RALY: variants seen among roughly 807,000 people sequenced by gnomAD.
RALY encodes the protein RNA-binding protein Raly.
Under a neutral mutation model 30.7 loss-of-function variants are expected in RALY, and 15 were observed. That is an observed-to-expected ratio of 0.49 (90% CI 0.33 to 0.75). The LOEUF is 0.75. RALY is among the 30% of genes least tolerant of loss of function. RALY has a pLI of 0.02. For synonymous variants in RALY, 177 were observed against 170.8 expected, an observed-to-expected ratio of 1.04 and a Z score of -0.28; for missense variants, 339 against 414.3, an observed-to-expected ratio of 0.82 and a Z score of 1.58.
intron 1 of RALY, among the ~76,000 whole-genome samples, chr20:33,998,470 A>G (rs903864683): frequency 6.6e-6 from 1 of 152,216 alleles, no homozygotes; most frequent in East Asian, 1.9e-4. Flanking sequence ...TACTGTTACT[A>G]TTCCCATTCT....
intron 5 of RALY, among the ~76,000 whole-genome samples, chr20:34,074,658 A>C (rs2033824903): frequency 6.6e-6 from 1 of 152,166 alleles, no homozygotes; most frequent in African/African-American, 2.4e-5. Context: ...CTGCCACTGA[A>C]TGGATTATGT....
chr20:34,076,064 A>G, intron 6 of RALY, 24 bp downstream of exon 6: 3 of 1,587,054 alleles, frequency 1.9e-6, no homozygotes, highest in Non-Finnish European at 2.6e-6. Flanking sequence ...TCATATTCCT[A>G]AGTAATTTGC....
chr20:34,018,696 A>G (rs1456146677), intron 1 of RALY, among the ~76,000 whole-genome samples: 2 of 151,992 alleles, frequency 1.3e-5, no homozygotes, highest in Non-Finnish European at 2.9e-5. Context: ...TGTTTTTTCC[A>G]TTAGCAATTT....
chr20:34,076,518 G>T (rs1435542628), intron 6 of RALY, among the ~76,000 whole-genome samples, 184 bp from the exon 7 acceptor site: 2 of 152,228 alleles, frequency 1.3e-5, no homozygotes, highest in Non-Finnish European at 2.9e-5. Flanking sequence ...TCAGAAGTGT[G>T]TGCTGTCACT....
intron 1 of RALY, among the ~76,000 whole-genome samples, chr20:34,029,493 G>GA (rs2032186447): frequency 8.5e-6 from 1 of 117,408 alleles, no homozygotes; most frequent in African/African-American, 3.7e-5. Context: ...AGGGAGGGAG[G>GA]GAGGGAGGGA....
At chr20:34,070,597 T>G (rs1568694190) in intron 2 of RALY, among the ~76,000 whole-genome samples, 1 of 152,202 alleles carries the variant, frequency 6.6e-6, no homozygotes, top group Non-Finnish European at 1.5e-5. Context: ...GGTATCTAAA[T>G]TGGCTTTAGC....
intron 1 of RALY, among the ~76,000 whole-genome samples, chr20:34,029,459 A>AGGAGGGAG (rs1225816860): frequency 1.1e-5 from 1 of 93,016 alleles, no homozygotes; most frequent in Non-Finnish European, 2.0e-5. Flanking sequence ...AAAGGAAGAA[A>AGGAGGGAG]GGAGGGAGGG....
intron 2 of RALY, among the ~76,000 whole-genome samples, chr20:34,070,143 C>T (rs1276264522): frequency 6.6e-6 from 1 of 152,050 alleles, no homozygotes; most frequent in Non-Finnish European, 1.5e-5. Context: ...AAAAGAAGTC[C>T]CCCCAAAATA....
intron 2 of RALY, among the ~76,000 whole-genome samples, chr20:34,065,906 C>T (rs1289035909): frequency 1.3e-5 from 2 of 152,304 alleles, no homozygotes; most frequent in African/African-American, 2.4e-5. Context: ...GCAGCAGCTC[C>T]TCCCTTGAAA....
intron 3 of RALY, 131 bp from the exon 4 acceptor site, chr20:34,073,432 G>T: frequency 1.3e-6 from 1 of 793,660 alleles, no homozygotes; most frequent in East Asian, 2.6e-5. Context: ...GACCTTTGTT[G>T]GCACCATCAG....
chr20:34,028,746 G>C (rs987208328), intron 1 of RALY, among the ~76,000 whole-genome samples: 5 of 147,130 alleles, frequency 3.4e-5, no homozygotes, highest in African/African-American at 1.0e-4. Context: ...ATGGCAGAGA[G>C]AGTGGCAAGA....
At chr20:34,058,897 G>A (rs2033336289) in intron 2 of RALY, among the ~76,000 whole-genome samples, 1 of 152,168 alleles carries the variant, frequency 6.6e-6, no homozygotes, top group South Asian at 2.1e-4. Flanking sequence ...AGCCCTTGAA[G>A]GATTTTAAAC....
intron 1 of RALY, chr20:34,017,608 A>G (rs1024993271): frequency 3.3e-5 from 5 of 152,176 alleles, no homozygotes; most frequent in Non-Finnish European, 7.3e-5. Flanking sequence ...GCAGGCTCTA[A>G]TGGGAGAGAT....
chr20:34,014,212 C>G (rs1308641993), intron 1 of RALY, among the ~76,000 whole-genome samples: 6 of 152,062 alleles, frequency 3.9e-5, no homozygotes, highest in Admixed American at 3.9e-4. Flanking sequence ...ATAAATACCC[C>G]CAGCCTTTTG....
intron 2 of RALY, among the ~76,000 whole-genome samples, chr20:34,054,535 T>G (rs2033179691): frequency 6.6e-6 from 1 of 152,076 alleles, no homozygotes; most frequent in Non-Finnish European, 1.5e-5. Context: ...AGATCAGAAA[T>G]TGGTTGCAGG....
At chr20:34,017,152 A>G (rs1051276967) in intron 1 of RALY, among the ~76,000 whole-genome samples, 4 of 152,264 alleles carry the variant, frequency 2.6e-5, no homozygotes, top group Admixed American at 6.5e-5. Context: ...TGCTAGGTAC[A>G]TCGTATAGGC....
At chr20:34,018,968 G>A (rs1159034980) in intron 1 of RALY, among the ~76,000 whole-genome samples, 2 of 152,134 alleles carry the variant, frequency 1.3e-5, no homozygotes, top group South Asian at 2.1e-4. Context: ...TACGGATTGG[G>A]GGTCAGTTTA....
chr20:34,003,426 T>G (rs2031010787), intron 1 of RALY, among the ~76,000 whole-genome samples: 1 of 151,986 alleles, frequency 6.6e-6, no homozygotes, highest in Non-Finnish European at 1.5e-5. Context: ...AGAGGGGAGA[T>G]CGATCTCTTT....
At chr20:34,020,673 A>G (rs1455025765) in intron 1 of RALY, among the ~76,000 whole-genome samples, 1 of 152,254 alleles carries the variant, frequency 6.6e-6, no homozygotes, top group Non-Finnish European at 1.5e-5. Context: ...TTGTTCATCC[A>G]TGATTGCTTT....
Sources: gnomAD v4.1 joint callset for allele counts (sites outside exome capture counted in the v4.1 genomes callset) on GRCh38, gnomAD v4.1.1 for gene constraint, MANE v1.5 for transcripts, NCBI Gene and HGNC (gene_info 2026-07-23, HGNC 2026-07-21) for gene names.